SYNPO2: variants seen among roughly 807,000 people sequenced by gnomAD.
SYNPO2 encodes synaptopodin-2.
A neutral mutation model predicts 85.0 loss-of-function variants in SYNPO2; 56 were observed. That is an observed-to-expected ratio of 0.66 (90% confidence interval 0.53 to 0.82). The LOEUF is 0.82. Ranked by LOEUF, SYNPO2 falls within the 40% of genes least tolerant of loss-of-function variation. SYNPO2 has a pLI of 0.00. For missense variants in SYNPO2, 1,575 were observed against 1,534.2 expected (o/e 1.03, Z -0.44); for synonymous variants, 602 against 591.1 (o/e 1.02, Z -0.27).
chr4:118,878,642 TAAACGCACCAATCAGCACTCTGTAA>T (rs1258116903), intron 1 of SYNPO2, among the ~76,000 whole-genome samples: 1 of 152,074 alleles, frequency 6.6e-6, no homozygotes, highest in Non-Finnish European at 1.5e-5. Context: ...TAAAGGTTTA[TAAACGCACCAATCAGCACTCTGTAA>T]AAACGCACCA....
intron 1 of SYNPO2, among the ~76,000 whole-genome samples, chr4:118,905,856 C>A (rs955459311): frequency 1.3e-5 from 2 of 152,040 alleles, no homozygotes; most frequent in East Asian, 3.8e-4. Context: ...TCATTGGAAC[C>A]CTTTCCTATT....
At chr4:119,014,124 C>T (rs967444814) in intron 1 of SYNPO2, among the ~76,000 whole-genome samples, 1 of 152,160 alleles carries the variant, frequency 6.6e-6, no homozygotes, top group African/African-American at 2.4e-5. Flanking sequence ...TGAGCTCAGA[C>T]ATTAAAGAGA....
At chr4:119,038,069 A>C in intron 4 of SYNPO2, 1 of 871,432 alleles carries the variant, frequency 1.1e-6, no homozygotes, top group Non-Finnish European at 1.4e-6. Flanking sequence ...GCTTATAAGC[A>C]GTGGATTAGG....
intron 4 of SYNPO2, among the ~76,000 whole-genome samples, chr4:119,047,788 A>T (rs183120574): frequency 1.3e-5 from 2 of 152,306 alleles, no homozygotes; most frequent in Admixed American, 1.3e-4. Flanking sequence ...TCTACTGTCA[A>T]GAAAATTTTC....
chr4:118,892,923 C>T (rs919789599), intron 1 of SYNPO2, among the ~76,000 whole-genome samples: 5 of 152,030 alleles, frequency 3.3e-5, no homozygotes, highest in Non-Finnish European at 4.4e-5. Flanking sequence ...GTATTATTTA[C>T]ACAAAGCACA....
At chr4:118,949,671 C>T (rs1734630866) in intron 1 of SYNPO2, among the ~76,000 whole-genome samples, 1 of 151,828 alleles carries the variant, frequency 6.6e-6, no homozygotes, top group African/African-American at 2.4e-5. Context: ...GTCGCTTGAA[C>T]CCAGGAAGTG....
chr4:118,996,625 G>A (rs28624960), intron 1 of SYNPO2, among the ~76,000 whole-genome samples: 55,990 of 151,020 alleles, frequency 0.37, 10,502 homozygotes, highest in African/African-American at 0.42. Flanking sequence ...TGGGAGGCCA[G>A]TGGGGGTGGA....
chr4:119,003,315 A>G (rs1161346344), intron 1 of SYNPO2, among the ~76,000 whole-genome samples: 6 of 151,600 alleles, frequency 4.0e-5, no homozygotes, highest in Non-Finnish European at 8.8e-5. Context: ...ATCAGATCTC[A>G]TGAGAACTCA....
chr4:119,021,653 A>G (rs1283185375), intron 1 of SYNPO2, among the ~76,000 whole-genome samples: 3 of 152,198 alleles, frequency 2.0e-5, no homozygotes, highest in Non-Finnish European at 4.4e-5. Context: ...AATTCAATAT[A>G]ATGCAATGCA....
At chr4:119,047,429 G>A (rs1392973744) in intron 4 of SYNPO2, among the ~76,000 whole-genome samples, 1 of 152,184 alleles carries the variant, frequency 6.6e-6, no homozygotes, top group Non-Finnish European at 1.5e-5. Flanking sequence ...TATTAGTCCT[G>A]ATTATGTGCC....
At chr4:119,006,942 G>T (rs1737052639) in intron 1 of SYNPO2, among the ~76,000 whole-genome samples, 1 of 151,012 alleles carries the variant, frequency 6.6e-6, no homozygotes, top group Non-Finnish European at 1.5e-5. Context: ...ATTTCTTCAG[G>T]TACACTTAAT....
At chr4:119,008,115 T>C (rs1301912356) in intron 1 of SYNPO2, among the ~76,000 whole-genome samples, 1 of 152,236 alleles carries the variant, frequency 6.6e-6, no homozygotes, top group Non-Finnish European at 1.5e-5. Context: ...ATAGATTTCA[T>C]AGATTTCATA....
At chr4:119,002,635 C>T (rs981113387) in intron 1 of SYNPO2, among the ~76,000 whole-genome samples, 8 of 152,156 alleles carry the variant, frequency 5.3e-5, no homozygotes, top group Admixed American at 2.0e-4. Flanking sequence ...GCACAGCTAT[C>T]TTCCTGGAGT....
chr4:119,003,481 A>G (rs1736898341), intron 1 of SYNPO2, among the ~76,000 whole-genome samples: 1 of 152,230 alleles, frequency 6.6e-6, no homozygotes, highest in Non-Finnish European at 1.5e-5. Context: ...AGGAGACTCT[A>G]GAAAATTTTC....
At chr4:118,959,045 T>C (rs1344735088) in intron 1 of SYNPO2, among the ~76,000 whole-genome samples, 2 of 152,234 alleles carry the variant, frequency 1.3e-5, no homozygotes, top group African/African-American at 4.8e-5. Flanking sequence ...AGGATCTGTT[T>C]ATTCATCAAT....
At chr4:118,930,408 T>A (rs1733883381) in intron 1 of SYNPO2, among the ~76,000 whole-genome samples, 1 of 152,190 alleles carries the variant, frequency 6.6e-6, no homozygotes, top group Non-Finnish European at 1.5e-5. Flanking sequence ...GGTGCATACT[T>A]CTGTATAGCA....
At position 119,030,802 on chromosome 4, in the gene SYNPO2, T is replaced by C. The variant is rs890760191; in HGVS notation, c.2027T>C (p.Val676Ala). 2.5e-6 allele frequency: 4 copies of C among 1,613,948 alleles called. No homozygotes were observed. Among genetic ancestry groups the C allele is most frequent in the African/African-American group, 1.3e-5 (1 of 74,892 alleles). ...GCTTCCCGAGATGAGAGGATCTCAG[T>C]GCCAGCAAAAAGAACAGGAATATTG... ...RIASRDERISVPAKRTGILQE... is the reference protein window; with the variant it reads ...RIASRDERISAPAKRTGILQE... The change falls in exon 4 of 5, where the codon GTG becomes GCG. Residue 676 changes from valine (V) to alanine (A), a missense_variant. By Grantham distance (64) the Val-to-Ala change is moderately conservative. This residue lies in a region of SYNPO2 where 1,508 missense variants were observed against 1,446.8 expected (regional missense o/e 1.04). Coordinates refer to ENST00000307142, the MANE Select transcript of SYNPO2 (RefSeq NM_133477.3).
At position 119,032,011 on chromosome 4, in the gene SYNPO2, G is replaced by A. The variant is rs768763902; in HGVS notation, c.3236G>A (p.Ser1079Asn). ...APRPKFSAKK[S>N]GVTIQESGRS... is the part of the protein sequence containing the mutation. ...AGGCCAAAGTTCTCAGCCAAGAAAA[G>A]TGGTGTCACAATTCAGGTGTGGAAA... The change falls in exon 4 of 5, where the codon AGT becomes AAT. Residue 1079 changes from serine to asparagine, a missense_variant. Ser to Asn is a conservative substitution (Grantham distance 46). Transcript: ENST00000307142. The A allele has an allele frequency of 1.9e-6, 3 of 1,614,162 alleles. No homozygotes were observed. The highest frequency in any genetic ancestry group is 2.5e-6 in the Non-Finnish European group (3 of 1,180,016).
intron 1 of SYNPO2, among the ~76,000 whole-genome samples, chr4:119,023,010 T>G (rs1197969037): frequency 6.6e-6 from 1 of 151,278 alleles, no homozygotes; most frequent in Non-Finnish European, 1.5e-5. Flanking sequence ...ACTCCTGACC[T>G]CGTGATCCAC....
Sources: allele counts gnomAD v4.1 joint callset (sites outside exome capture counted in the v4.1 genomes callset), GRCh38; gene constraint gnomAD v4.1.1; regional missense constraint gnomAD v4.1.1; transcripts MANE v1.5; gene names NCBI Gene and HGNC (gene_info 2026-07-23, HGNC 2026-07-21).